Variants in MGAT4A observed in about 807,000 individuals in gnomAD.
MGAT4A encodes N-acetylglucosaminyltransferase IVa.
MGAT4A carries 33 observed loss-of-function variants against 74.1 expected under a neutral mutation model. The observed-to-expected ratio is 0.45, with a 90% CI of 0.34 to 0.60. MGAT4A has a LOEUF of 0.60. MGAT4A is among the 20% of genes least tolerant of loss of function. MGAT4A has a pLI of 0.02. For missense variants in MGAT4A, 479 were observed against 628.3 expected, an observed-to-expected ratio of 0.76 and a Z score of 2.54; for synonymous variants, 198 against 210.4, an observed-to-expected ratio of 0.94 and a Z score of 0.51.
chr2:98,655,415 C>A lies in MGAT4A; in HGVS notation c.774+30G>T. The A allele has an allele frequency of 2.0e-6, 3 of 1,504,334 alleles. No individual in the cohort carries two copies. The South Asian group carries it at 3.6e-5, about 18-fold the overall frequency. The allele number at this position is 1,504,334 out of a possible 1,614,324, so 93.2% of individuals were successfully genotyped here. A position where few individuals can be genotyped will look rare whatever the true frequency, so the allele number is the denominator to read the frequency against. On this transcript the variant is annotated intron_variant, in intron 8 of 15. Transcript: ENST00000393487. ...CTTGATAACACTTTTTCTTTACAAG[C>A]ATGAAAAACAAAGGAAAAACTACAC...
intron 14 of MGAT4A, 73 bp downstream of exon 14, chr2:98,635,149 C>T: frequency 8.7e-7 from 1 of 1,142,920 alleles, no homozygotes; most frequent in East Asian, 2.4e-5. Context: ...TGCTTAACAT[C>T]TGAAAAGAAC....
At chr2:98,707,991 A>C (rs1353315584) in intron 2 of MGAT4A, among the ~76,000 whole-genome samples, 1 of 152,232 alleles carries the variant, frequency 6.6e-6, no homozygotes, top group African/African-American at 2.4e-5. Context: ...CCACACTGTG[A>C]ATCTACATTT....
At chr2:98,684,484 C>T (rs1336450967) in intron 2 of MGAT4A, among the ~76,000 whole-genome samples, 2 of 152,178 alleles carry the variant, frequency 1.3e-5, no homozygotes, top group East Asian at 3.9e-4. Context: ...GTTTTGTGAA[C>T]CTAAGATTCT....
Position 98,656,460 on chromosome 2 carries a change from G to A in MGAT4A, c.590C>T (p.Ser197Phe). 6.3e-7 allele frequency: 1 copy of A among 1,592,400 alleles called. No homozygotes were observed. The highest frequency in any genetic ancestry group is 8.6e-7 in the Non-Finnish European group (1 of 1,168,676). Residue 197 changes from serine to phenylalanine, a missense_variant, in exon 7 of 16, where the codon TCT becomes TTT. Ser to Phe is a radical substitution (Grantham distance 155). Around this residue, in one of 3 missense-constraint regions of MGAT4A, gnomAD observed 205 missense variants for 232.7 expected, o/e 0.88. Coordinates refer to ENST00000393487, the MANE Select transcript of MGAT4A (RefSeq NM_012214.3). Reference protein sequence around the residue: ...GVVANLEKEFSKEISSGLVEV... With the variant: ...GVVANLEKEFFKEISSGLVEV... The stretch of plus-strand genomic sequence containing the variant: ...CACCAAGCCAGAACTGATTTCTTTA[G>A]AAAATCTATTATGAGAAAGTTAGCT...
intron 14 of MGAT4A, among the ~76,000 whole-genome samples, chr2:98,630,732 T>C (rs997532999): frequency 2.0e-5 from 3 of 152,216 alleles, no homozygotes; most frequent in South Asian, 2.1e-4. Flanking sequence ...TTGTTATTTA[T>C]GCATACAATA....
chr2:98,656,745 C>T (rs1215014383), intron 6 of MGAT4A, among the ~76,000 whole-genome samples: 1 of 150,880 alleles, frequency 6.6e-6, no homozygotes, highest in Non-Finnish European at 1.5e-5. Context: ...CAACTGCAGG[C>T]ATTAACGTTC....
At position 98,621,981 on chromosome 2, in the gene MGAT4A, T is replaced by C; in HGVS notation, c.*3585A>G. 1 of 987,882 alleles carries C rather than the reference T, an allele frequency of 1.0e-6. No homozygotes were observed. The highest frequency in any genetic ancestry group is 1.2e-6 in the Non-Finnish European group (1 of 831,668). The allele number at this position is 987,882 out of a possible 1,614,324, so 61.2% of individuals were successfully genotyped here. ...ACAGCCTATGTGCTAAATAATCCTT[T>C]GTGTTAACTTTTTCCAAAGCTTTTC... is the stretch of plus-strand genomic sequence containing the variant. On this transcript the variant is annotated 3_prime_UTR_variant, in exon 16 of 16. Coordinates refer to ENST00000393487, the MANE Select transcript of MGAT4A (RefSeq NM_012214.3).
chr2:98,684,066 T>G (rs1702097797), intron 2 of MGAT4A, among the ~76,000 whole-genome samples: 1 of 152,212 alleles, frequency 6.6e-6, no homozygotes, highest in African/African-American at 2.4e-5. Context: ...CCAACTCAGC[T>G]TTCTAGAACT....
At chr2:98,699,512 T>C (rs908899633) in intron 2 of MGAT4A, among the ~76,000 whole-genome samples, 3 of 152,080 alleles carry the variant, frequency 2.0e-5, no homozygotes, top group African/African-American at 7.2e-5. Context: ...AGTCTTTTTT[T>C]TTTCCCCCTA....
chr2:98,729,302 T>A (rs939010104), intron 1 of MGAT4A, among the ~76,000 whole-genome samples: 2 of 152,186 alleles, frequency 1.3e-5, no homozygotes, highest in Non-Finnish European at 2.9e-5. Flanking sequence ...AGTCATACAT[T>A]TTTAATTAGG....
intron 1 of MGAT4A, among the ~76,000 whole-genome samples, chr2:98,730,030 GT>G (rs1350868367): frequency 6.6e-6 from 1 of 152,314 alleles, no homozygotes; most frequent in South Asian, 2.1e-4. Context: ...TCATCAAACT[GT>G]TTTTTAAACA....
chr2:98,680,874 T>C (rs970957974), intron 2 of MGAT4A, among the ~76,000 whole-genome samples: 2 of 152,242 alleles, frequency 1.3e-5, no homozygotes, highest in Admixed American at 6.5e-5. Context: ...AAGTCTATAA[T>C]AGAATCAATA....
intron 3 of MGAT4A, 51 bp downstream of exon 3, chr2:98,678,253 T>TATATAA: frequency 3.3e-6 from 1 of 300,094 alleles, no homozygotes; most frequent in Non-Finnish European, 4.9e-6. Context: ...AAAAAAAATA[T>TATATAA]ATATATATAT....
At chr2:98,722,777 C>T (rs1345174403) in intron 2 of MGAT4A, among the ~76,000 whole-genome samples, 1 of 151,620 alleles carries the variant, frequency 6.6e-6, no homozygotes, top group African/African-American at 2.4e-5. Flanking sequence ...CAAATGTTTA[C>T]TACATGTTTA....
Position 98,621,772 on chromosome 2 carries a change from G to A in MGAT4A, c.*3794C>T, listed in dbSNP as rs1701064314. The A allele has an allele frequency of 4.3e-6, 5 of 1,152,088 alleles. No homozygotes were observed. Among genetic ancestry groups the A allele is most frequent in the Admixed American group, 4.7e-5 (1 of 21,490 alleles). The allele number at this position is 1,152,088 out of a possible 1,614,324, so 71.4% of individuals were successfully genotyped here. ...TCTTTGAGGGACAGCACTGTTGGGA[G>A]ACAACCTCTTTTTCATTATTATGAT... On this transcript the variant is annotated 3_prime_UTR_variant, in exon 16 of 16. Coordinates refer to ENST00000393487, the MANE Select transcript of MGAT4A (RefSeq NM_012214.3).
rs1701302946 is a variant in MGAT4A at position 98,635,281 on chromosome 2, C to A, written c.1409G>T (p.Gly470Val). The stretch of plus-strand genomic sequence containing the variant: ...TTTGGTTTCTTTGCTTATTTCCAAA[C>A]CTTCACTCTAAAATAAAACAAAAGC... ...TVEVLPFKSE[G>V]LEISKETKDK... The change falls in exon 14 of 16, where the codon GGT becomes GTT. Residue 470 changes from glycine (G) to valine (V), a missense_variant. Physicochemically the swap from Gly to Val is moderately radical, Grantham distance 109. This residue lies in a region of MGAT4A where 236 missense variants were observed against 308.2 expected (regional missense o/e 0.77). Transcript: ENST00000393487. 1 of 1,604,474 alleles carries A rather than the reference C, an allele frequency of 6.2e-7. No individual in the cohort carries two copies. The highest frequency in any genetic ancestry group is 1.3e-5 in the African/African-American group (1 of 74,502).
chr2:98,635,240 C>G lies in MGAT4A; in HGVS notation c.1450G>C (p.Asp484His). 6.2e-7 allele frequency: 1 copy of G among 1,609,590 alleles called. No individual in the cohort carries two copies. Among genetic ancestry groups the G allele is most frequent in the Non-Finnish European group, 8.5e-7 (1 of 1,177,532 alleles). ...SKETKDKRLE[D>H]GYFRIGKFEN... ...ATATTACCTATTCTGAAATAGCCAT[C>G]TTCTAATCGTTTGTCTTTGGTTTCT... is the stretch of plus-strand genomic sequence containing the variant. The change falls in exon 14 of 16, where the codon GAT becomes CAT. Residue 484 changes from aspartate to histidine, a missense_variant. Asp to His is a moderately conservative substitution (Grantham distance 81, BLOSUM62 -1). Coordinates refer to ENST00000393487, the MANE Select transcript of MGAT4A (RefSeq NM_012214.3).
In MGAT4A at chr2:98,639,987, C is replaced by G. The variant is rs1352197764; in HGVS notation, c.1143G>C (p.Met381Ile). ...KIQKLTDKDY[M>I]KPLLLKIHVN... is the part of the protein sequence containing the mutation. ...CATGGATTTTAAGAAGTAATGGTTT[C>G]ATATAATCTTTATCCTGGGAGCAAA... is the stretch of plus-strand genomic sequence containing the variant. Residue 381 changes from methionine (M) to isoleucine (I), a missense_variant, in exon 12 of 16, where the codon ATG becomes ATC. Physicochemically the swap from Met to Ile is conservative, Grantham distance 10 (BLOSUM62 1). This residue lies in a region of MGAT4A where 236 missense variants were observed against 308.2 expected (regional missense o/e 0.77). Coordinates refer to ENST00000393487, the MANE Select transcript of MGAT4A (RefSeq NM_012214.3). 1.9e-6 allele frequency: 3 copies of G among 1,611,814 alleles called. No homozygotes were observed. In the East Asian group the frequency reaches 6.7e-5, roughly 36 times the overall value.
rs1701128988 is a variant in MGAT4A at position 98,625,409 on chromosome 2, T to C, written c.*157A>G. 10 of 1,460,416 alleles carry C rather than the reference T, an allele frequency of 6.8e-6. 1 individual carries two copies. Among genetic ancestry groups the C allele is most frequent in the African/African-American group, 2.9e-5 (2 of 69,534 alleles). 90.5% of individuals were successfully genotyped at this position (1,460,416 alleles called of 1,614,324 possible). ...GCTTAGTTTCAAACAAATACAATTA[T>C]TATGGGAGATTCACTTTCCAAGTGG... On this transcript the variant is annotated 3_prime_UTR_variant, in exon 16 of 16. Coordinates refer to ENST00000393487, the MANE Select transcript of MGAT4A (RefSeq NM_012214.3).
Sources: allele counts gnomAD v4.1 joint callset (sites outside exome capture counted in the v4.1 genomes callset), GRCh38; gene constraint gnomAD v4.1.1; regional missense constraint gnomAD v4.1.1; transcripts MANE v1.5; gene names NCBI Gene and HGNC (gene_info 2026-07-23, HGNC 2026-07-21).